The following GVQW3 variants were observed in gnomAD, a reference collection of about 807,000 sequenced individuals.
GVQW3 encodes GVQW motif containing 3, also known as protein GVQW3.
GVQW3 carries 7 observed loss-of-function variants against 12.5 expected under a neutral mutation model. That is an observed-to-expected ratio of 0.56 (90% CI 0.32 to 1.05). The LOEUF (loss-of-function observed/expected upper bound fraction) is 1.05, where lower values mean the gene tolerates loss of function less well. Ranked by LOEUF, GVQW3 falls within the 50% of genes least tolerant of loss-of-function variation. The probability of loss-of-function intolerance (pLI) is 0.04; values close to 1 mark genes in which losing one functional copy is unlikely to be tolerated. For synonymous variants in GVQW3, 71 were observed against 67.2 expected (o/e 1.06, Z -0.28); for missense variants, 188 against 190.8 (o/e 0.99, Z 0.09).
At chr11:76,409,144 G>C (rs866867244), downstream of GVQW3, among the ~76,000 whole-genome samples, 1 of 152,104 alleles carries the variant, frequency 6.6e-6, no homozygotes. Context: ...ATGCCCTCCT[G>C]TGCCTCCTGT....
chr11:76,381,873 C>T lies in GVQW3; in HGVS notation c.45C>T (p.Cys15=), dbSNP rs1047739451. The change falls in exon 1 of 2, where the codon TGC becomes TGT. Residue 15 remains cysteine (C), a synonymous_variant. Transcript: ENST00000529331. ...AACAAAGGATTAGTATCAAATTTTG[C>T]GTGAAATTGAACAAGTCTGCAAGTG... ...YLEQRISIKF[C]VKLNKSASET... 3 of 1,535,690 alleles carry T rather than the reference C, an allele frequency of 2.0e-6. No homozygotes were observed. The highest frequency in any genetic ancestry group is 2.7e-5 in the African/African-American group (2 of 73,032).
chr11:76,396,621 T>C (rs1946941989), intron 1 of GVQW3, among the ~76,000 whole-genome samples: 1 of 152,178 alleles, frequency 6.6e-6, no homozygotes, highest in Non-Finnish European at 1.5e-5. Context: ...GGGCTCAAAT[T>C]AGATGTTTTA....
chr11:76,387,166 T>C (rs948044300), intron 1 of GVQW3, among the ~76,000 whole-genome samples: 12 of 152,202 alleles, frequency 7.9e-5, no homozygotes, highest in African/African-American at 2.9e-4. Context: ...CCGGGCACGG[T>C]GGCTCAGACC....
At chr11:76,392,243 G>A (rs1946899770) in intron 1 of GVQW3, 1 of 152,214 alleles carries the variant, frequency 6.6e-6, no homozygotes, top group Non-Finnish European at 1.5e-5. Flanking sequence ...GGACTGTAAA[G>A]AAGCAAAACA....
downstream of GVQW3, chr11:76,411,503 A>G: frequency 6.6e-6 from 1 of 152,232 alleles, no homozygotes; most frequent in East Asian, 1.9e-4. Context: ...TGGAGAGAGA[A>G]ATGATGGAGA....
At position 76,407,565 on chromosome 11, in the gene GVQW3, A is replaced by G. The variant is rs1947052858; in HGVS notation, c.*3807A>G. The G allele has an allele frequency of 7.4e-6, 1 of 135,744 alleles. No individual in the cohort carries two copies. The highest frequency in any genetic ancestry group is 2.8e-5 in the African/African-American group (1 of 35,616). The allele number at this position is 135,744 out of a possible 1,614,324, so 8.4% of individuals were successfully genotyped here. ...GCACTCCAGCCTGGGCGGCAGAGCA[A>G]GACTCCCTCTCAAAAAAAAAAAAAA... On this transcript the variant is annotated 3_prime_UTR_variant, in exon 2 of 2. Coordinates refer to ENST00000529331, the MANE Select transcript of GVQW3 (RefSeq NM_001347885.2).
At chr11:76,396,768 T>C (rs1410638764) in intron 1 of GVQW3, among the ~76,000 whole-genome samples, 1 of 152,200 alleles carries the variant, frequency 6.6e-6, no homozygotes, top group Non-Finnish European at 1.5e-5. Flanking sequence ...TCACCACTAA[T>C]TTTAGAACAG....
In GVQW3 at chr11:76,408,020, C is replaced by G. The variant is rs549363723; in HGVS notation, c.*4262C>G. On this transcript the variant is annotated 3_prime_UTR_variant, in exon 2 of 2. Coordinates refer to ENST00000529331, the MANE Select transcript of GVQW3 (RefSeq NM_001347885.2). Reference sequence around the variant, plus strand: ...TGATGAAATTATAAGTGATTTTAAACTTGCTTCATTATGCTTTTATATATA... The same window carrying G: ...TGATGAAATTATAAGTGATTTTAAAGTTGCTTCATTATGCTTTTATATATA... 5.3e-5 allele frequency: 8 copies of G among 152,064 alleles called. No homozygotes were observed. Among genetic ancestry groups the G allele is most frequent in the Admixed American group, 5.2e-4 (8 of 15,266 alleles). The allele number at this position is 152,064 out of a possible 1,614,324, so 9.4% of individuals were successfully genotyped here.
At chr11:76,410,147 C>T (rs544618091), downstream of GVQW3, among the ~76,000 whole-genome samples, 225 of 152,108 alleles carry the variant, frequency 1.5e-3, no homozygotes, top group Middle Eastern at 6.8e-3. Context: ...CCTAGCTAGT[C>T]GGGAGGCTGA....
At chr11:76,392,705 G>A (rs1946904477) in intron 1 of GVQW3, 1 of 152,176 alleles carries the variant, frequency 6.6e-6, no homozygotes, top group African/African-American at 2.4e-5. Context: ...TGGTGCAGAG[G>A]GTTTTACCAA....
chr11:76,410,514 T>C (rs767428311), downstream of GVQW3, among the ~76,000 whole-genome samples: 1 of 152,124 alleles, frequency 6.6e-6, no homozygotes, highest in Non-Finnish European at 1.5e-5. Context: ...TCAATACATA[T>C]GTCTTAAATC....
intron 1 of GVQW3, among the ~76,000 whole-genome samples, chr11:76,386,662 A>G (rs1176115340): frequency 6.6e-6 from 1 of 152,222 alleles, no homozygotes; most frequent in Non-Finnish European, 1.5e-5. Flanking sequence ...ATGTGACTCA[A>G]TAAGAGCCCA....
Position 76,398,838 on chromosome 11 carries a change from C to T in GVQW3, c.466-4822C>T, listed in dbSNP as rs527681791. On this transcript the variant is annotated intron_variant, in intron 1 of 1. Coordinates refer to ENST00000529331, the MANE Select transcript of GVQW3 (RefSeq NM_001347885.2). ...AGCAGGTTTCTGTGAGGTAAACTAA[C>T]TGTCTTTGTTCATCAGAAAATGTCT... is the stretch of plus-strand genomic sequence containing the variant. Among the ~76,000 whole-genome samples the T allele has an allele frequency of 4.6e-5, 7 of 152,310 alleles. No individual in the cohort carries two copies. In the East Asian group the frequency reaches 1.4e-3, roughly 29 times the overall value.
chr11:76,382,261 A>G lies in GVQW3; in HGVS notation c.433A>G (p.Thr145Ala). The G allele has an allele frequency of 6.5e-7, 1 of 1,534,488 alleles. No individual in the cohort carries two copies. Among genetic ancestry groups the G allele is most frequent in the Non-Finnish European group, 8.7e-7 (1 of 1,145,618 alleles). Reference sequence around the variant, plus strand: ...CTTTCGGTCCGATCTTTCAAAGGAAACTAGGAAAAATAGCTCATGTTTGAG... The same window carrying G: ...CTTTCGGTCCGATCTTTCAAAGGAAGCTAGGAAAAATAGCTCATGTTTGAG... ...LDFRSDLSKE[T>A]RKNSSCLRKK... Residue 145 changes from threonine to alanine, a missense_variant, in exon 1 of 2, where the codon ACT becomes GCT. Thr to Ala is a moderately conservative substitution (Grantham distance 58). Coordinates refer to ENST00000529331, the MANE Select transcript of GVQW3 (RefSeq NM_001347885.2).
At position 76,403,999 on chromosome 11, in the gene GVQW3, C is replaced by T. The variant is rs115731414; in HGVS notation, c.*241C>T. On this transcript the variant is annotated 3_prime_UTR_variant, in exon 2 of 2. Coordinates refer to ENST00000529331, the MANE Select transcript of GVQW3 (RefSeq NM_001347885.2). ...ATTACTCGGTCTACCAATTCAAATG[C>T]TAATCTCTTCCGGAAACATCCCCAC... is the stretch of plus-strand genomic sequence containing the variant. 66 of 658,742 alleles carry T rather than the reference C, an allele frequency of 1.0e-4. No individual in the cohort carries two copies. In the African/African-American group the frequency reaches 1.2e-3, roughly 12 times the overall value. The allele number at this position is 658,742 out of a possible 1,614,324, so 40.8% of individuals were successfully genotyped here.
chr11:76,391,406 T>A (rs1343561743), intron 1 of GVQW3, among the ~76,000 whole-genome samples: 1 of 152,214 alleles, frequency 6.6e-6, no homozygotes, highest in Non-Finnish European at 1.5e-5. Context: ...CCCTATGTCC[T>A]GGGCCAAATG....
At chr11:76,402,552 C>CAAA (rs201157273) in intron 1 of GVQW3, among the ~76,000 whole-genome samples, 31 of 127,836 alleles carry the variant, frequency 2.4e-4, no homozygotes, top group South Asian at 1.3e-3. Context: ...GACTCTGTCT[C>CAAA]AAAAAAAAAA....
chr11:76,385,441 G>A (rs981830271), intron 1 of GVQW3, among the ~76,000 whole-genome samples: 2 of 152,130 alleles, frequency 1.3e-5, no homozygotes, highest in African/African-American at 2.4e-5. Flanking sequence ...CTATGTGTCC[G>A]TCACACCCCA....
intron 1 of GVQW3, among the ~76,000 whole-genome samples, chr11:76,387,517 A>AC: frequency 6.6e-6 from 1 of 152,152 alleles, no homozygotes; most frequent in Non-Finnish European, 1.5e-5. Flanking sequence ...GTTTGATATA[A>AC]CCCCCAGTCT....
Sources: allele counts gnomAD v4.1 joint callset (sites outside exome capture counted in the v4.1 genomes callset), GRCh38; gene constraint gnomAD v4.1.1; transcripts MANE v1.5; gene names NCBI Gene and HGNC (gene_info 2026-07-23, HGNC 2026-07-21).